The following MORC1 variants were observed in gnomAD, a reference collection of about 807,000 sequenced individuals.
MORC1 encodes the protein MORC family CW-type zinc finger 1.
In MORC1, 59 loss-of-function variants were observed where a neutral mutation model predicts 134.9. The observed-to-expected ratio is 0.44, with a 90% CI of 0.35 to 0.54. The LOEUF is 0.54. Ranked by LOEUF, MORC1 falls within the 20% of genes least tolerant of loss-of-function variation. MORC1 has a pLI of 0.00. For missense variants in MORC1, 947 were observed against 1,134.5 expected, an observed-to-expected ratio of 0.83 and a Z score of 2.37; for synonymous variants, 395 against 391.7, an observed-to-expected ratio of 1.01 and a Z score of -0.10.
chr3:108,960,835 G>A (rs987229715), intron 27 of MORC1, among the ~76,000 whole-genome samples: 1 of 152,070 alleles, frequency 6.6e-6, no homozygotes, highest in Non-Finnish European at 1.5e-5. Flanking sequence ...TCTGTAAAGG[G>A]CATCCATTTT....
intron 26 of MORC1, among the ~76,000 whole-genome samples, chr3:108,967,304 C>T (rs953919457): frequency 2.0e-5 from 3 of 152,108 alleles, no homozygotes; most frequent in Non-Finnish European, 4.4e-5. Context: ...TATATATAAG[C>T]TTGGATAAAC....
At chr3:109,104,891 A>ACG (rs1354943114) in intron 3 of MORC1, among the ~76,000 whole-genome samples, 1 of 151,272 alleles carries the variant, frequency 6.6e-6, no homozygotes, top group East Asian at 1.9e-4. Context: ...ACACACACAC[A>ACG]CGTATGAAAT....
At chr3:109,046,143 T>C (rs769213183) in intron 14 of MORC1, among the ~76,000 whole-genome samples, 6 of 152,236 alleles carry the variant, frequency 3.9e-5, no homozygotes, top group Non-Finnish European at 8.8e-5. Flanking sequence ...AACGCCATCT[T>C]AGACAATTAT....
chr3:109,081,964 G>A (rs916769799), intron 8 of MORC1, among the ~76,000 whole-genome samples: 3 of 152,014 alleles, frequency 2.0e-5, no homozygotes, highest in Admixed American at 1.3e-4. Flanking sequence ...AGGGAGAAAC[G>A]TCCTTGAGGA....
chr3:109,085,944 CATGG>C (rs1950608100), intron 8 of MORC1, among the ~76,000 whole-genome samples: 1 of 152,034 alleles, frequency 6.6e-6, no homozygotes, highest in Non-Finnish European at 1.5e-5. Flanking sequence ...ACTGTAGCAA[CATGG>C]ATGAAATTGG....
intron 24 of MORC1, among the ~76,000 whole-genome samples, chr3:108,975,877 C>A (rs1947536930): frequency 1.3e-5 from 2 of 152,002 alleles, no homozygotes; most frequent in Admixed American, 1.3e-4. Flanking sequence ...AGCTTATGTA[C>A]CACTAACTTA....
chr3:109,089,961 G>A (rs1950684250), intron 8 of MORC1, among the ~76,000 whole-genome samples: 1 of 152,056 alleles, frequency 6.6e-6, no homozygotes, highest in Non-Finnish European at 1.5e-5. Flanking sequence ...CTCACTTTCT[G>A]CATATAGCCC....
At chr3:108,979,740 G>A in intron 23 of MORC1, 73 bp from the exon 24 acceptor site, 1 of 1,540,146 alleles carries the variant, frequency 6.5e-7, no homozygotes. Context: ...ATACAAAAAT[G>A]AGTGAAATGT....
At chr3:109,081,931 C>T (rs1198484157) in intron 8 of MORC1, among the ~76,000 whole-genome samples, 9 of 152,152 alleles carry the variant, frequency 5.9e-5, no homozygotes, top group African/African-American at 2.2e-4. Flanking sequence ...CTTCAATCCA[C>T]GAGAAGCCTC....
intron 15 of MORC1, among the ~76,000 whole-genome samples, chr3:109,033,901 G>A (rs187446669): frequency 6.6e-6 from 1 of 152,246 alleles, no homozygotes; most frequent in East Asian, 1.9e-4. Context: ...ACTTAAAGAA[G>A]TTAAACAATT....
At chr3:109,008,210 T>C (rs1007994384) in intron 17 of MORC1, among the ~76,000 whole-genome samples, 5 of 152,190 alleles carry the variant, frequency 3.3e-5, no homozygotes, top group East Asian at 1.9e-4. Context: ...TCTTTTACTA[T>C]ACAAACAACC....
chr3:109,009,068 A>C (rs1948618507), intron 17 of MORC1, among the ~76,000 whole-genome samples: 1 of 152,180 alleles, frequency 6.6e-6, no homozygotes, highest in South Asian at 2.1e-4. Context: ...AATTAAATAC[A>C]GTCAATGCTT....
At chr3:109,097,997 TA>T (rs1295722165) in intron 6 of MORC1, among the ~76,000 whole-genome samples, 1 of 152,204 alleles carries the variant, frequency 6.6e-6, no homozygotes, top group Non-Finnish European at 1.5e-5. Context: ...AATGCCTAGA[TA>T]AAATCAAGAA....
intron 6 of MORC1, 63 bp from the exon 7 acceptor site, chr3:109,095,131 T>C (rs898326782): frequency 2.8e-6 from 4 of 1,436,472 alleles, no homozygotes; most frequent in Admixed American, 5.0e-5. Flanking sequence ...TCTTTTGTCT[T>C]ATCTATTTCA....
At chr3:109,017,707 A>G (rs1208482981) in intron 17 of MORC1, among the ~76,000 whole-genome samples, 1 of 152,214 alleles carries the variant, frequency 6.6e-6, no homozygotes, top group South Asian at 2.1e-4. Context: ...ACCTACTTCA[A>G]AATCTGAGTT....
chr3:109,094,838 T>C (rs1950799054), intron 7 of MORC1, 71 bp downstream of exon 7: 2 of 1,385,212 alleles, frequency 1.4e-6, no homozygotes, highest in Non-Finnish European at 1.9e-6. Context: ...TGAAAACATA[T>C]GTACAGTGTC....
At chr3:109,031,537 G>A (rs1444304441) in intron 16 of MORC1, among the ~76,000 whole-genome samples, 1 of 152,154 alleles carries the variant, frequency 6.6e-6, no homozygotes, top group Non-Finnish European at 1.5e-5. Context: ...CCAACACTTT[G>A]TTCCTATTTG....
At chr3:109,069,386 AAAAC>A (rs1950267200) in intron 9 of MORC1, among the ~76,000 whole-genome samples, 1 of 152,216 alleles carries the variant, frequency 6.6e-6, no homozygotes, top group Non-Finnish European at 1.5e-5. Context: ...ACTGAAGTAA[AAAAC>A]AAATTTCTAC....
intron 8 of MORC1, among the ~76,000 whole-genome samples, chr3:109,082,667 A>C (rs1484543284): frequency 1.3e-5 from 2 of 152,182 alleles, no homozygotes; most frequent in African/African-American, 2.4e-5. Context: ...TCTGCACAAC[A>C]GAATAGATCA....
Sources: gnomAD v4.1 joint callset for allele counts (sites outside exome capture counted in the v4.1 genomes callset) on GRCh38, gnomAD v4.1.1 for gene constraint, MANE v1.5 for transcripts, NCBI Gene and HGNC (gene_info 2026-07-23, HGNC 2026-07-21) for gene names.